Variants in MED27 observed in about 807,000 individuals in gnomAD.
MED27 encodes the protein mediator complex subunit 27.
MED27 carries 30 observed loss-of-function variants against 38.2 expected under a neutral mutation model. The ratio of observed to expected loss-of-function variants is 0.79; its 90% confidence interval spans 0.59 to 1.07. The LOEUF (loss-of-function observed/expected upper bound fraction) is 1.07, where lower values mean the gene tolerates loss of function less well. MED27 is among the 50% of genes least tolerant of loss of function. The pLI, the probability that MED27 is intolerant of heterozygous loss-of-function variation, is 0.00. For missense variants in MED27, 289 were observed against 397.5 expected (o/e 0.73, Z 2.32); for synonymous variants, 122 against 153.5 (o/e 0.79, Z 1.52).
intron 6 of MED27, among the ~76,000 whole-genome samples, chr9:131,878,800 A>T (rs1042614606): frequency 1.3e-5 from 2 of 152,124 alleles, no homozygotes; most frequent in African/African-American, 4.8e-5. Flanking sequence ...GCTCTTTGTG[A>T]TTCTGCCCTT....
At chr9:131,933,772 G>GA (rs889348260) in intron 4 of MED27, among the ~76,000 whole-genome samples, 13 of 150,678 alleles carry the variant, frequency 8.6e-5, no homozygotes, top group East Asian at 3.9e-4. Context: ...CAAAGAAATA[G>GA]AAAAAAAAAT....
intron 5 of MED27, among the ~76,000 whole-genome samples, chr9:131,887,247 C>T (rs1027404538): frequency 3.9e-5 from 6 of 152,020 alleles, no homozygotes; most frequent in Admixed American, 1.3e-4. Context: ...GAAAACATGG[C>T]CTCTCCAGCC....
chr9:131,968,951 G>T (rs978060736), intron 3 of MED27, among the ~76,000 whole-genome samples: 1 of 152,134 alleles, frequency 6.6e-6, no homozygotes, highest in Admixed American at 6.5e-5. Context: ...TAGCTTGCAC[G>T]CTCCTTATGA....
At chr9:131,867,960 C>G (rs751268145) in intron 6 of MED27, among the ~76,000 whole-genome samples, 9 of 152,112 alleles carry the variant, frequency 5.9e-5, no homozygotes, top group Non-Finnish European at 1.0e-4. Flanking sequence ...GGAGAATGGC[C>G]CCCAGAGGGC....
At chr9:131,875,687 C>T (rs1838918576) in intron 6 of MED27, among the ~76,000 whole-genome samples, 1 of 152,232 alleles carries the variant, frequency 6.6e-6, no homozygotes, top group Admixed American at 6.5e-5. Context: ...TCTCATGGCT[C>T]ACTGCAGCCT....
chr9:131,981,648 A>G (rs1385691066), intron 3 of MED27, among the ~76,000 whole-genome samples: 2 of 152,210 alleles, frequency 1.3e-5, no homozygotes, highest in African/African-American at 4.8e-5. Context: ...CATCCGCAAT[A>G]GCAGGAAGGC....
In MED27 at chr9:131,997,023, T is replaced by C. The variant is rs574895192; in HGVS notation, c.479+17314A>G. On this transcript the variant is annotated intron_variant, in intron 3 of 7. Coordinates refer to ENST00000292035, the MANE Select transcript of MED27 (RefSeq NM_004269.4). The surrounding 1 kb of genome is among the most constrained non-coding windows in gnomAD (Gnocchi z 4.0). ...AAGTCACGCACATTTTTGACTATGG[T>C]GGGGGATGGGTACCCCTAACGCTGT... Among the ~76,000 whole-genome samples the C allele has an allele frequency of 5.9e-5, 9 of 152,150 alleles. No individual in the cohort carries two copies. Among genetic ancestry groups the C allele is most frequent in the Non-Finnish European group, 1.3e-4 (9 of 68,020 alleles).
At chr9:131,929,578 T>C (rs930294974) in intron 4 of MED27, among the ~76,000 whole-genome samples, 2 of 152,148 alleles carry the variant, frequency 1.3e-5, no homozygotes, top group Admixed American at 1.3e-4. Flanking sequence ...GACTTTTCAC[T>C]GACTGAAGGG....
intron 6 of MED27, among the ~76,000 whole-genome samples, chr9:131,867,575 G>A (rs547065423): frequency 2.4e-4 from 37 of 152,336 alleles, no homozygotes; most frequent in African/African-American, 8.2e-4. Flanking sequence ...CAGCAAGTTC[G>A]AGCTGCGGCC....
chr9:131,950,008 T>C (rs1830960121), intron 3 of MED27, among the ~76,000 whole-genome samples: 1 of 152,088 alleles, frequency 6.6e-6, no homozygotes, highest in African/African-American at 2.4e-5. Context: ...TCTGTTCTTC[T>C]TGCATTACAA....
chr9:131,983,861 A>G (rs1186876249), intron 3 of MED27, among the ~76,000 whole-genome samples: 1 of 152,252 alleles, frequency 6.6e-6, no homozygotes, highest in Admixed American at 6.5e-5. Flanking sequence ...ACTATTGTTT[A>G]CATTACACAA....
At chr9:131,942,300 T>G (rs967803762) in intron 3 of MED27, among the ~76,000 whole-genome samples, 1 of 152,158 alleles carries the variant, frequency 6.6e-6, no homozygotes, top group Non-Finnish European at 1.5e-5. Flanking sequence ...GGAAATGAAC[T>G]CATTTTTCAT....
In MED27 at chr9:132,003,588, T is replaced by C. The variant is rs1832290536; in HGVS notation, c.479+10749A>G. Among the ~76,000 whole-genome samples, 1 of 152,192 alleles carries C rather than the reference T, an allele frequency of 6.6e-6. No homozygotes were observed. Among genetic ancestry groups the C allele is most frequent in the Non-Finnish European group, 1.5e-5 (1 of 68,034 alleles). ...GTGGCAGGGCTCTGTCACCAACTCC[T>C]CTGCCTGCTCTTCTGGTCTCCCTCC... is the stretch of plus-strand genomic sequence containing the variant. On this transcript the variant is annotated intron_variant, in intron 3 of 7. Transcript: ENST00000292035. This position sits in a 1 kb window ranked among gnomAD's most constrained non-coding sequence, Gnocchi z 4.2.
rs1439253053 is a variant in MED27, at chr9:131,997,762, G to A, written c.479+16575C>T. Reference sequence around the variant, plus strand: ...CTAGCTGGGGGCCTCCAGACAAGGTGGGAGCTTCGGTGTTGGCCTCTGTAA... The same window carrying A: ...CTAGCTGGGGGCCTCCAGACAAGGTAGGAGCTTCGGTGTTGGCCTCTGTAA... On this transcript the variant is annotated intron_variant, in intron 3 of 7. Transcript: ENST00000292035. The surrounding 1 kb of genome is among the most constrained non-coding windows in gnomAD (Gnocchi z 4.0). Among the ~76,000 whole-genome samples the A allele has an allele frequency of 1.3e-5, 2 of 152,206 alleles. No individual in the cohort carries two copies. Among genetic ancestry groups the A allele is most frequent in the African/African-American group, 2.4e-5 (1 of 41,444 alleles).
At chr9:132,055,969 G>A (rs1833566880) in intron 2 of MED27, among the ~76,000 whole-genome samples, 1 of 152,182 alleles carries the variant, frequency 6.6e-6, no homozygotes, top group Non-Finnish European at 1.5e-5. Context: ...GAAGCAAAAG[G>A]AGATTAATTC....
In MED27 at chr9:131,945,158, A is replaced by G. The variant is rs372411671; in HGVS notation, c.480-5684T>C. 3.4e-4 allele frequency among the ~76,000 whole-genome samples: 50 copies of G among 147,806 alleles called. No homozygotes were observed. The South Asian group carries it at 0.01, about 30-fold the overall frequency. ...TTATATATAAAAAATTTATATATAT[A>G]TAAATATAAAAATATATTTGTTGCA... On this transcript the variant is annotated intron_variant, in intron 3 of 7. Transcript: ENST00000292035.
chr9:131,992,543 A>G (rs560883702), intron 3 of MED27, among the ~76,000 whole-genome samples: 1 of 152,138 alleles, frequency 6.6e-6, no homozygotes, highest in South Asian at 2.1e-4. Context: ...GACTATAGGC[A>G]CGTGCCACCA....
chr9:132,058,111 A>C (rs1169746520), intron 2 of MED27, among the ~76,000 whole-genome samples: 1 of 152,228 alleles, frequency 6.6e-6, no homozygotes, highest in African/African-American at 2.4e-5. Flanking sequence ...AAAAACTTTA[A>C]GCTGAGTGAA....
chr9:131,893,322 A>G (rs1839259379), intron 5 of MED27, among the ~76,000 whole-genome samples: 1 of 152,144 alleles, frequency 6.6e-6, no homozygotes, highest in Non-Finnish European at 1.5e-5. Context: ...GTGGAGCCAT[A>G]TGGAGACTGT....
Sources: allele counts gnomAD v4.1 joint callset (sites outside exome capture counted in the v4.1 genomes callset), GRCh38; gene constraint gnomAD v4.1.1; non-coding constraint Gnocchi (gnomAD v3.1); transcripts MANE v1.5; gene names NCBI Gene and HGNC (gene_info 2026-07-23, HGNC 2026-07-21).